The following MACROD2 variants were observed in gnomAD, a reference collection of about 807,000 sequenced individuals.
MACROD2 encodes ADP-ribose glycohydrolase MACROD2.
Under a neutral mutation model 70.4 loss-of-function variants are expected in MACROD2, and 36 were observed. The observed-to-expected ratio is 0.51, with a 90% CI of 0.39 to 0.68. MACROD2 has a LOEUF of 0.68. Ranked by LOEUF, MACROD2 falls within the 30% of genes least tolerant of loss-of-function variation. The pLI, the probability that MACROD2 is intolerant of heterozygous loss-of-function variation, is 0.00. For missense variants in MACROD2, 496 were observed against 538.4 expected (o/e 0.92, Z 0.78); for synonymous variants, 172 against 178.8 (o/e 0.96, Z 0.30).
intron 3 of MACROD2, among the ~76,000 whole-genome samples, chr20:14,487,679 T>C (rs539866617): frequency 1.3e-5 from 2 of 152,324 alleles, no homozygotes; most frequent in East Asian, 1.9e-4. Context: ...CATTGTACCA[T>C]TGATATCAAT....
At chr20:14,507,434 GGAA>G (rs546001736) in intron 4 of MACROD2, among the ~76,000 whole-genome samples, 3 of 152,110 alleles carry the variant, frequency 2.0e-5, no homozygotes, top group Non-Finnish European at 4.4e-5. Flanking sequence ...TTTCTGTTTG[GGAA>G]GAAGAAGAAT....
intron 3 of MACROD2, among the ~76,000 whole-genome samples, chr20:14,418,971 C>T (rs1239298986): frequency 6.6e-6 from 1 of 152,012 alleles, no homozygotes; most frequent in Non-Finnish European, 1.5e-5. Flanking sequence ...GTAATATTGT[C>T]ACGTCTTCCT....
At chr20:15,124,430 T>C (rs937062248) in intron 5 of MACROD2, among the ~76,000 whole-genome samples, 52 of 151,818 alleles carry the variant, frequency 3.4e-4, no homozygotes, top group African/African-American at 1.1e-3. Flanking sequence ...GGTCATCTGT[T>C]TATGACTAGA....
At chr20:15,605,754 A>G (rs896807197) in intron 8 of MACROD2, among the ~76,000 whole-genome samples, 7 of 152,168 alleles carry the variant, frequency 4.6e-5, no homozygotes, top group African/African-American at 1.7e-4. Context: ...GTCTTAGTCC[A>G]TATTTTATGA....
chr20:14,212,235 G>A (rs1461870278), intron 3 of MACROD2, among the ~76,000 whole-genome samples: 3 of 152,044 alleles, frequency 2.0e-5, no homozygotes, highest in Non-Finnish European at 4.4e-5. Context: ...TGGCCTACAG[G>A]TAACACCACC....
At chr20:15,622,805 A>G (rs1014218603) in intron 8 of MACROD2, among the ~76,000 whole-genome samples, 3 of 152,198 alleles carry the variant, frequency 2.0e-5, no homozygotes, top group Non-Finnish European at 2.9e-5. Flanking sequence ...CTTACGGTGT[A>G]TTGTTATAAT....
At chr20:15,368,950 G>A (rs931721919) in intron 6 of MACROD2, among the ~76,000 whole-genome samples, 3 of 152,284 alleles carry the variant, frequency 2.0e-5, no homozygotes, top group Admixed American at 6.5e-5. Context: ...TGCCTGATGA[G>A]TTGATTAATC....
At chr20:15,782,904 A>G (rs1052048005) in intron 8 of MACROD2, among the ~76,000 whole-genome samples, 5 of 151,884 alleles carry the variant, frequency 3.3e-5, no homozygotes, top group African/African-American at 4.8e-5. Flanking sequence ...TCTTGTACTA[A>G]ATCTATGTTT....
chr20:15,310,237 C>A (rs1216320501), intron 6 of MACROD2, among the ~76,000 whole-genome samples: 1 of 152,046 alleles, frequency 6.6e-6, no homozygotes, highest in Non-Finnish European at 1.5e-5. Flanking sequence ...TTTTACTATG[C>A]TTTGGTCTAC....
At chr20:14,413,562 G>T (rs2083772186) in intron 3 of MACROD2, among the ~76,000 whole-genome samples, 1 of 152,012 alleles carries the variant, frequency 6.6e-6, no homozygotes, top group Non-Finnish European at 1.5e-5. Flanking sequence ...ATATAATCAG[G>T]TATAAGTGTA....
At chr20:15,750,314 G>A (rs9798602) in intron 8 of MACROD2, among the ~76,000 whole-genome samples, 1 of 152,002 alleles carries the variant, frequency 6.6e-6, no homozygotes, top group African/African-American at 2.4e-5. Context: ...CCTCACTCCA[G>A]TGAGAATGGC....
At chr20:14,253,782 C>T (rs751867555) in intron 3 of MACROD2, among the ~76,000 whole-genome samples, 1 of 151,950 alleles carries the variant, frequency 6.6e-6, no homozygotes, top group African/African-American at 2.4e-5. Flanking sequence ...CTTCATAGGC[C>T]GTAATGCAAG....
chr20:14,315,874 A>C (rs1378068543), intron 3 of MACROD2, among the ~76,000 whole-genome samples: 1 of 152,244 alleles, frequency 6.6e-6, no homozygotes, highest in Non-Finnish European at 1.5e-5. Context: ...AGCATGGAGT[A>C]AATATGTACC....
intron 8 of MACROD2, among the ~76,000 whole-genome samples, chr20:15,822,299 T>C (rs970095754): frequency 6.6e-6 from 1 of 152,204 alleles, no homozygotes; most frequent in Non-Finnish European, 1.5e-5. Flanking sequence ...GTGTATGTTT[T>C]ACAATACTAT....
intron 4 of MACROD2, among the ~76,000 whole-genome samples, chr20:14,637,861 C>T (rs1287889138): frequency 6.6e-6 from 1 of 152,106 alleles, no homozygotes; most frequent in African/African-American, 2.4e-5. Context: ...TCTCAGTATT[C>T]TCTGGCAACA....
intron 3 of MACROD2, among the ~76,000 whole-genome samples, chr20:14,455,791 CTT>C (rs2084294911): frequency 6.6e-6 from 1 of 151,582 alleles, no homozygotes; most frequent in Non-Finnish European, 1.5e-5. Context: ...GTTTATAAAA[CTT>C]AATCTTGCTG....
At chr20:14,169,641 G>T (rs1236772414) in intron 3 of MACROD2, among the ~76,000 whole-genome samples, 1 of 151,982 alleles carries the variant, frequency 6.6e-6, no homozygotes, top group Non-Finnish European at 1.5e-5. Flanking sequence ...GATGCCCAGC[G>T]TTGGCCATAT....
intron 8 of MACROD2, among the ~76,000 whole-genome samples, chr20:15,639,152 AAGG>A (rs2049415561): frequency 6.6e-6 from 1 of 152,206 alleles, no homozygotes; most frequent in South Asian, 2.1e-4. Flanking sequence ...CTTCACTTCA[AAGG>A]AGATCACCCA....
At chr20:14,693,557 G>A (rs762079017) in intron 5 of MACROD2, among the ~76,000 whole-genome samples, 2 of 152,150 alleles carry the variant, frequency 1.3e-5, no homozygotes, top group Admixed American at 6.5e-5. Context: ...TGAACACTTC[G>A]TGAATGTATT....
Sources: allele counts gnomAD v4.1 joint callset (sites outside exome capture counted in the v4.1 genomes callset), GRCh38; gene constraint gnomAD v4.1.1; transcripts MANE v1.5; gene names NCBI Gene and HGNC (gene_info 2026-07-23, HGNC 2026-07-21).